Variants in CACNG4 observed in about 807,000 individuals in gnomAD.
CACNG4 encodes calcium voltage-gated channel auxiliary subunit gamma 4, also known as voltage-dependent calcium channel gamma-4 subunit.
In CACNG4, 8 loss-of-function variants were observed where a neutral mutation model predicts 22.9. That is an observed-to-expected ratio of 0.35 (90% CI 0.21 to 0.63). The LOEUF is 0.63. Among genes scored for constraint, CACNG4 ranks in the 30% least tolerant of loss-of-function variants. The pLI is 0.72. For missense variants in CACNG4, 357 were observed against 455.4 expected (o/e 0.78, Z 1.97); for synonymous variants, 188 against 191.9 (o/e 0.98, Z 0.17).
chr17:67,018,154 C>G lies in CACNG4; in HGVS notation c.221-35C>G, dbSNP rs1354121842. On this transcript the variant is annotated intron_variant, in intron 1 of 3. Transcript: ENST00000262138. ...TGAACGGATGAGTGAACCCAGACAG[C>G]ATTTACAGTGTTCTTTTCCTCTCGT... The G allele has an allele frequency of 3.3e-6, 5 of 1,501,648 alleles. No homozygotes were observed. The African/African-American group carries it at 4.1e-5, about 12-fold the overall frequency. 93.0% of individuals were successfully genotyped at this position (1,501,648 alleles called of 1,614,324 possible).
chr17:67,003,646 C>A (rs957362479), intron 1 of CACNG4, among the ~76,000 whole-genome samples: 2 of 152,156 alleles, frequency 1.3e-5, no homozygotes, highest in Admixed American at 6.5e-5. Flanking sequence ...TCCCTGGTCA[C>A]GTGTTGCCAG....
intron 1 of CACNG4, among the ~76,000 whole-genome samples, chr17:67,014,947 A>AC (rs992530988): frequency 3.4e-5 from 5 of 147,560 alleles, no homozygotes; most frequent in Non-Finnish European, 7.4e-5. Context: ...CAAAAACAAA[A>AC]AAAAAAAAAA....
At chr17:67,007,966 G>C (rs1424351018) in intron 1 of CACNG4, among the ~76,000 whole-genome samples, 6 of 152,160 alleles carry the variant, frequency 3.9e-5, no homozygotes, top group African/African-American at 1.2e-4. Flanking sequence ...CGTCACTTCA[G>C]TTCACATTCC....
At chr17:67,023,270 CTTT>C (rs3043068) in intron 2 of CACNG4, among the ~76,000 whole-genome samples, 1 of 79,780 alleles carries the variant, frequency 1.3e-5, no homozygotes, top group African/African-American at 5.0e-5. Context: ...AAGACCTCTT[CTTT>C]TTTTTTTTTT....
At chr17:67,025,388 G>A (rs2035557781) in intron 3 of CACNG4, among the ~76,000 whole-genome samples, 1 of 152,240 alleles carries the variant, frequency 6.6e-6, no homozygotes, top group African/African-American at 2.4e-5. Context: ...CCTGTGACAG[G>A]AGCCTGGCTG....
At position 67,030,856 on chromosome 17, in the gene CACNG4, T is replaced by C. The variant is rs149010646; in HGVS notation, c.836T>C (p.Leu279Pro). ...IPMGELSMYTLSREPLKVTTA... is the reference protein window; with the variant it reads ...IPMGELSMYTPSREPLKVTTA... Reference sequence around the variant, plus strand: ...ATGGGGGAGCTGTCCATGTACACGCTGTCCAGGGAGCCCCTCAAGGTGACC... The same window carrying C: ...ATGGGGGAGCTGTCCATGTACACGCCGTCCAGGGAGCCCCTCAAGGTGACC... The change falls in exon 4 of 4, where the codon CTG (leucine) becomes CCG (proline). Residue 279 changes from leucine to proline, a missense_variant. Around this residue, in one of 3 missense-constraint regions of CACNG4, gnomAD observed 240 missense variants for 277.6 expected, o/e 0.86. Coordinates refer to ENST00000262138, the MANE Select transcript of CACNG4 (RefSeq NM_014405.4). This position sits in a 1 kb window ranked among gnomAD's most constrained non-coding sequence, Gnocchi z 6.4. 34 of 1,613,360 alleles carry C rather than the reference T, an allele frequency of 2.1e-5. No homozygotes were observed. Among genetic ancestry groups the C allele is most frequent in the Non-Finnish European group, 2.9e-5 (34 of 1,180,022 alleles).
chr17:66,993,108 G>C (rs1426109531), intron 1 of CACNG4, among the ~76,000 whole-genome samples: 1 of 151,264 alleles, frequency 6.6e-6, no homozygotes, highest in African/African-American at 2.5e-5. Flanking sequence ...GGCATCCACT[G>C]GGGCTCAGCC....
chr17:67,004,216 G>C (rs2035424325), intron 1 of CACNG4, among the ~76,000 whole-genome samples: 1 of 152,248 alleles, frequency 6.6e-6, no homozygotes, highest in African/African-American at 2.4e-5. Flanking sequence ...GATGCAAGGA[G>C]AAAAATCACA....
In CACNG4 at chr17:66,972,713, G is replaced by A. The variant is rs536892316; in HGVS notation, c.220+7582G>A. ...GGCCAAGGCAGGTGGATCACCTGAG[G>A]TCAGGAGTTCAAGACCAGCCTGGCC... On this transcript the variant is annotated intron_variant, in intron 1 of 3. Transcript: ENST00000262138. 2.8e-4 allele frequency among the ~76,000 whole-genome samples: 43 copies of A among 152,286 alleles called. No homozygotes were observed. The South Asian group carries it at 3.5e-3, about 12-fold the overall frequency.
chr17:67,017,423 AC>A (rs1354181416), intron 1 of CACNG4, among the ~76,000 whole-genome samples: 1 of 151,748 alleles, frequency 6.6e-6, no homozygotes, highest in African/African-American at 2.4e-5. Context: ...ACAGACTTCA[AC>A]CCCACCCTTG....
chr17:67,031,179 A>G lies in CACNG4; in HGVS notation c.*175A>G. ...CACGAAGGTTGTGCTGGGAGACCGGACCCGGGGCTGCAGAAGAAGCTGAAG... is the reference window on the plus strand; with the variant it reads ...CACGAAGGTTGTGCTGGGAGACCGGGCCCGGGGCTGCAGAAGAAGCTGAAG... On this transcript the variant is annotated 3_prime_UTR_variant, in exon 4 of 4. Coordinates refer to ENST00000262138, the MANE Select transcript of CACNG4 (RefSeq NM_014405.4). The surrounding 1 kb of genome is among the most constrained non-coding windows in gnomAD (Gnocchi z 4.0). 2.9e-6 allele frequency: 2 copies of G among 685,770 alleles called. No homozygotes were observed. The highest frequency in any genetic ancestry group is 5.1e-5 in the Admixed American group (2 of 39,602). The allele number at this position is 685,770 out of a possible 1,614,324, so 42.5% of individuals were successfully genotyped here.
chr17:67,026,665 T>A (rs1182981421), intron 3 of CACNG4, among the ~76,000 whole-genome samples: 1 of 147,934 alleles, frequency 6.8e-6, no homozygotes, highest in East Asian at 2.0e-4. Context: ...GTGTGTGTAT[T>A]TGAGGACTGT....
chr17:66,965,183 CA>C, intron 1 of CACNG4, 52 bp downstream of exon 1: 1 of 1,049,504 alleles, frequency 9.5e-7, no homozygotes, highest in Non-Finnish European at 1.3e-6. Context: ...CACACACACA[CA>C]CATATACACA....
In CACNG4 at chr17:67,031,118, C is replaced by T; in HGVS notation, c.*114C>T. On this transcript the variant is annotated 3_prime_UTR_variant, in exon 4 of 4. Coordinates refer to ENST00000262138, the MANE Select transcript of CACNG4 (RefSeq NM_014405.4). The surrounding 1 kb of genome is among the most constrained non-coding windows in gnomAD (Gnocchi z 4.0). The stretch of plus-strand genomic sequence containing the variant: ...CAATGAACTAAAGCCAAATGCAGCC[C>T]TCCCTGGCCTCCAGAGGTGGCGTGG... 4 of 1,176,394 alleles carry T rather than the reference C, an allele frequency of 3.4e-6. No individual in the cohort carries two copies. Among genetic ancestry groups the T allele is most frequent in the Non-Finnish European group, 4.8e-6 (4 of 834,422 alleles). 72.9% of individuals were successfully genotyped at this position (1,176,394 alleles called of 1,614,324 possible). A position where few individuals can be genotyped will look rare whatever the true frequency, so the allele number is the denominator to read the frequency against.
intron 1 of CACNG4, among the ~76,000 whole-genome samples, chr17:66,997,773 C>T (rs1414924683): frequency 7.9e-5 from 12 of 152,060 alleles, no homozygotes; most frequent in African/African-American, 2.2e-4. Flanking sequence ...GCCAAGAGTA[C>T]GCCACTGCCC....
intron 1 of CACNG4, among the ~76,000 whole-genome samples, chr17:67,000,370 G>A (rs186620197): frequency 6.6e-6 from 1 of 151,168 alleles, no homozygotes; most frequent in Non-Finnish European, 1.5e-5. Flanking sequence ...GGGCTGTCCT[G>A]TGCCTGTGGA....
At chr17:66,989,136 C>T (rs1488719067) in intron 1 of CACNG4, among the ~76,000 whole-genome samples, 2 of 150,424 alleles carry the variant, frequency 1.3e-5, no homozygotes, top group South Asian at 2.1e-4. Flanking sequence ...TTTTTATTCC[C>T]GGCATCTTTA....
chr17:66,986,614 C>T (rs115484160), intron 1 of CACNG4, among the ~76,000 whole-genome samples: 9 of 152,294 alleles, frequency 5.9e-5, no homozygotes, highest in Non-Finnish European at 1.0e-4. Flanking sequence ...GGGCACAGAT[C>T]GCTTGGAGCA....
rs2035155839 is a variant in CACNG4 at position 66,964,841 on chromosome 17, C to CGCGCGGAGGGAGGAGGGCGGGCGG, written c.-64_-41dup. The stretch of plus-strand genomic sequence containing the variant: ...CCCAACCCCGGCGCCCCCGGAGCGG[C>CGCGCGGAGGGAGGAGGGCGGGCGG]GCGCGGAGGGAGGAGGGCGGGCGGG... On this transcript the variant is annotated 5_prime_UTR_variant, in exon 1 of 4. Transcript: ENST00000262138. 5.4e-6 allele frequency: 5 copies of CGCGCGGAGGGAGGAGGGCGGGCGG among 930,966 alleles called. No individual in the cohort carries two copies. The highest frequency in any genetic ancestry group is 6.6e-6 in the Non-Finnish European group (5 of 756,194). 57.7% of individuals were successfully genotyped at this position (930,966 alleles called of 1,614,324 possible).
Sources: gnomAD v4.1 joint callset for allele counts (sites outside exome capture counted in the v4.1 genomes callset) on GRCh38, gnomAD v4.1.1 for gene constraint, gnomAD v4.1.1 regional missense constraint, Gnocchi (gnomAD v3.1) non-coding constraint, MANE v1.5 for transcripts, NCBI Gene and HGNC (gene_info 2026-07-23, HGNC 2026-07-21) for gene names.